CWC27: variants seen among roughly 807,000 people sequenced by gnomAD.
CWC27 encodes the protein CWC27 spliceosome associated cyclophilin.
CWC27 carries 47 observed loss-of-function variants against 63.6 expected under a neutral mutation model. The observed-to-expected ratio is 0.74, with a 90% CI of 0.58 to 0.94. The LOEUF is 0.94. Among genes scored for constraint, CWC27 ranks in the 40% least tolerant of loss-of-function variants. The pLI is 0.00. For missense variants in CWC27, 495 were observed against 554.3 expected (o/e 0.89, Z 1.07); for synonymous variants, 175 against 179.8 (o/e 0.97, Z 0.22).
At chr5:64,800,617 T>G (rs1157988918) in intron 8 of CWC27, among the ~76,000 whole-genome samples, 2 of 152,228 alleles carry the variant, frequency 1.3e-5, no homozygotes, top group African/African-American at 4.8e-5. Context: ...AGTGTAATGC[T>G]TAATTCAAGG....
chr5:64,923,753 T>C lies in CWC27; in HGVS notation c.1042+38207T>C, dbSNP rs368333976. Reference sequence around the variant, plus strand: ...TTACAAATATTTCCCAATTTCATTTTTCTAACTCTAGCTTCAAGCTAACAT... The same window carrying C: ...TTACAAATATTTCCCAATTTCATTTCTCTAACTCTAGCTTCAAGCTAACAT... On this transcript the variant is annotated intron_variant, in intron 11 of 13. Transcript: ENST00000381070. Among the ~76,000 whole-genome samples, 33 of 151,576 alleles carry C rather than the reference T, an allele frequency of 2.2e-4. 1 individual carries two copies. In the East Asian group the frequency reaches 2.9e-3, roughly 13 times the overall value.
intron 11 of CWC27, among the ~76,000 whole-genome samples, chr5:64,963,571 C>T (rs943092581): frequency 6.6e-6 from 1 of 152,090 alleles, no homozygotes; most frequent in African/African-American, 2.4e-5. Flanking sequence ...ATATGATACA[C>T]CAAGTTAGGA....
At chr5:64,874,980 T>C (rs568466260) in intron 10 of CWC27, among the ~76,000 whole-genome samples, 1 of 152,188 alleles carries the variant, frequency 6.6e-6, no homozygotes, top group Non-Finnish European at 1.5e-5. Context: ...CCACAGCAAA[T>C]GTACTCCACT....
chr5:64,808,357 T>C, intron 10 of CWC27: 1 of 986,744 alleles, frequency 1.0e-6, no homozygotes, highest in South Asian at 4.7e-5. Context: ...GACTCCTTAG[T>C]GCAAACCTAT....
At position 65,018,376 on chromosome 5, in the gene CWC27, A is replaced by G; in HGVS notation, c.*55A>G. 1 of 1,444,392 alleles carries G rather than the reference A, an allele frequency of 6.9e-7. No individual in the cohort carries two copies. The highest frequency in any genetic ancestry group is 9.4e-7 in the Non-Finnish European group (1 of 1,064,394). 89.5% of individuals were successfully genotyped at this position (1,444,392 alleles called of 1,614,324 possible). A position where few individuals can be genotyped will look rare whatever the true frequency, so the allele number is the denominator to read the frequency against. ...GGAAATGTGCCTACAATGGCCTTGT[A>G]ACAGCCATTGTTCCCAACAGCATCA... On this transcript the variant is annotated 3_prime_UTR_variant, in exon 14 of 14. Coordinates refer to ENST00000381070, the MANE Select transcript of CWC27 (RefSeq NM_005869.4).
At chr5:64,923,588 G>A (rs983231372) in intron 11 of CWC27, among the ~76,000 whole-genome samples, 4 of 145,612 alleles carry the variant, frequency 2.7e-5, no homozygotes, top group African/African-American at 1.0e-4. Flanking sequence ...CTGTCTCAAT[G>A]GGAGAGGTTT....
At chr5:64,837,516 T>C (rs533224526) in intron 10 of CWC27, among the ~76,000 whole-genome samples, 1 of 152,050 alleles carries the variant, frequency 6.6e-6, no homozygotes, top group African/African-American at 2.4e-5. Flanking sequence ...CTTTTTTTTT[T>C]TGTGAAGAAA....
At chr5:64,792,222 T>G (rs1179254120) in intron 7 of CWC27, among the ~76,000 whole-genome samples, 1 of 152,154 alleles carries the variant, frequency 6.6e-6, no homozygotes, top group Non-Finnish European at 1.5e-5. Context: ...TGACATATTT[T>G]TTAAAAATTA....
At chr5:64,799,810 T>C (rs1744424832) in intron 7 of CWC27, among the ~76,000 whole-genome samples, 1 of 151,970 alleles carries the variant, frequency 6.6e-6, no homozygotes, top group African/African-American at 2.4e-5. Flanking sequence ...TCCTCGGGGA[T>C]GCACTTATCT....
At chr5:64,831,833 T>G (rs1225761021) in intron 10 of CWC27, among the ~76,000 whole-genome samples, 1 of 151,978 alleles carries the variant, frequency 6.6e-6, no homozygotes, top group African/African-American at 2.4e-5. Context: ...TATTTTACAT[T>G]TTTATAACTA....
chr5:64,917,488 C>T (rs751976000), intron 11 of CWC27, among the ~76,000 whole-genome samples: 2 of 152,062 alleles, frequency 1.3e-5, no homozygotes, highest in Non-Finnish European at 2.9e-5. Context: ...CTTCACTGGG[C>T]GATGGGGTGC....
chr5:64,911,025 C>G (rs1747775689), intron 11 of CWC27, among the ~76,000 whole-genome samples: 1 of 152,190 alleles, frequency 6.6e-6, no homozygotes, highest in Non-Finnish European at 1.5e-5. Context: ...AATCACCCGT[C>G]TTCTGCATCG....
chr5:64,789,083 C>T (rs375243877), intron 7 of CWC27, 63 bp downstream of exon 7: 2 of 1,074,906 alleles, frequency 1.9e-6, no homozygotes, highest in East Asian at 4.9e-5. Context: ...ATCTTACTCA[C>T]TATTGTATCT....
chr5:64,932,112 A>G (rs1748248762), intron 11 of CWC27, among the ~76,000 whole-genome samples: 1 of 152,104 alleles, frequency 6.6e-6, no homozygotes, highest in South Asian at 2.1e-4. Flanking sequence ...AATTTATTTA[A>G]TCTTTAAAAC....
chr5:64,917,098 G>A (rs1747904231), intron 11 of CWC27, among the ~76,000 whole-genome samples: 2 of 152,216 alleles, frequency 1.3e-5, no homozygotes, highest in Admixed American at 6.5e-5. Context: ...TATAAGGCTT[G>A]TGTTCTCATT....
intron 11 of CWC27, among the ~76,000 whole-genome samples, chr5:64,932,244 T>A (rs907539859): frequency 2.0e-5 from 3 of 152,158 alleles, no homozygotes; most frequent in African/African-American, 7.2e-5. Context: ...GAGCCCTGAT[T>A]CAACAGATGT....
At chr5:64,923,289 A>C (rs964415112) in intron 11 of CWC27, among the ~76,000 whole-genome samples, 4 of 151,836 alleles carry the variant, frequency 2.6e-5, no homozygotes, top group Non-Finnish European at 4.4e-5. Context: ...CCAAGACCAG[A>C]CTCTGAGAGG....
chr5:64,927,500 C>T (rs1339256406), intron 11 of CWC27, among the ~76,000 whole-genome samples: 2 of 152,162 alleles, frequency 1.3e-5, no homozygotes, highest in Admixed American at 1.3e-4. Context: ...TACCACCAAA[C>T]TTCTGTTTCC....
chr5:64,775,116 C>T (rs1437583465), intron 2 of CWC27, among the ~76,000 whole-genome samples: 1 of 152,188 alleles, frequency 6.6e-6, no homozygotes, highest in Admixed American at 6.5e-5. Flanking sequence ...ATTGTCATCA[C>T]TCTCTAGTTG....
Sources: gnomAD v4.1 joint callset for allele counts (sites outside exome capture counted in the v4.1 genomes callset) on GRCh38, gnomAD v4.1.1 for gene constraint, MANE v1.5 for transcripts, NCBI Gene and HGNC (gene_info 2026-07-23, HGNC 2026-07-21) for gene names.